Variants in COL5A2 observed in about 807,000 individuals in gnomAD.
The protein encoded by COL5A2 is collagen type V alpha 2 chain, also known as collagen alpha-2(V) chain.
A neutral mutation model predicts 208.2 loss-of-function variants in COL5A2; 23 were observed. That is an observed-to-expected ratio of 0.11 (90% CI 0.08 to 0.16). The LOEUF is 0.16. Among genes scored for constraint, COL5A2 ranks in the 10% least tolerant of loss-of-function variants. COL5A2 has a pLI of 1.00. For missense variants in COL5A2, 1,590 were observed against 1,956.4 expected, an observed-to-expected ratio of 0.81 and a Z score of 3.53; for synonymous variants, 625 against 628.5, an observed-to-expected ratio of 0.99 and a Z score of 0.08.
At chr2:189,198,723 G>A (rs1191046616) in intron 1 of COL5A2, among the ~76,000 whole-genome samples, 1 of 60,676 alleles carries the variant, frequency 1.6e-5, no homozygotes. Flanking sequence ...ACCTGCCCCT[G>A]TAAAACATAT....
At chr2:189,283,547 C>A in the COL5A2 span, among the ~76,000 whole-genome samples, 1 of 151,708 alleles carries the variant, frequency 6.6e-6, no homozygotes, top group Non-Finnish European at 1.5e-5. Context: ...GAGAATGTCA[C>A]AGTCAAAAGG....
intron 1 of COL5A2, among the ~76,000 whole-genome samples, chr2:189,189,890 T>C (rs1219922909): frequency 6.6e-6 from 1 of 152,184 alleles, no homozygotes; most frequent in Non-Finnish European, 1.5e-5. Context: ...GCATTGATTA[T>C]ACCGCTTAGA....
chr2:189,140,711 G>C (rs1687918084), intron 1 of COL5A2, among the ~76,000 whole-genome samples: 1 of 151,930 alleles, frequency 6.6e-6, no homozygotes, highest in Non-Finnish European at 1.5e-5. Flanking sequence ...TCTCATTGTA[G>C]AGGCTTAATG....
At chr2:189,170,687 A>G (rs1435298874) in intron 1 of COL5A2, among the ~76,000 whole-genome samples, 3 of 152,234 alleles carry the variant, frequency 2.0e-5, no homozygotes, top group Non-Finnish European at 1.5e-5. Context: ...TTGTTTAGAT[A>G]CAGTGGAGGA....
the COL5A2 span, among the ~76,000 whole-genome samples, chr2:189,341,688 C>A: frequency 1.7e-3 from 253 of 152,218 alleles, 1 homozygote; most frequent in African/African-American, 5.7e-3. Flanking sequence ...AATCATCAAA[C>A]CAGGACATCA....
chr2:189,320,847 T>TC, the COL5A2 span, among the ~76,000 whole-genome samples: 1 of 152,016 alleles, frequency 6.6e-6, no homozygotes, highest in Non-Finnish European at 1.5e-5. Flanking sequence ...GAAGAGCAAC[T>TC]CCAAGACACA....
chr2:189,034,542 G>C (rs1685402883), intron 53 of COL5A2, among the ~76,000 whole-genome samples: 2 of 151,878 alleles, frequency 1.3e-5, no homozygotes, highest in African/African-American at 2.4e-5. Flanking sequence ...ATATGCAAGC[G>C]GGGAGACTTA....
At chr2:189,433,667 C>A in the COL5A2 span, among the ~76,000 whole-genome samples, 2 of 152,178 alleles carry the variant, frequency 1.3e-5, no homozygotes, top group South Asian at 2.1e-4. Flanking sequence ...CAATAACAGG[C>A]TCTGAAATTG....
At chr2:189,211,823 A>G in intron 1 of COL5A2, among the ~76,000 whole-genome samples, 1 of 152,210 alleles carries the variant, frequency 6.6e-6, no homozygotes, top group East Asian at 1.9e-4. Flanking sequence ...GCAAGAAAGT[A>G]AAACCAAAAA....
chr2:189,297,514 T>C, the COL5A2 span, among the ~76,000 whole-genome samples: 1 of 152,180 alleles, frequency 6.6e-6, no homozygotes, highest in Admixed American at 6.6e-5. Context: ...AATTTAAAAA[T>C]TGATACATAG....
the COL5A2 span, among the ~76,000 whole-genome samples, chr2:189,322,472 G>A: frequency 1.6e-4 from 24 of 151,862 alleles, no homozygotes; most frequent in East Asian, 3.9e-4. Context: ...TCAAACAGAC[G>A]CAATAAAAAT....
chr2:189,062,186 T>G, intron 29 of COL5A2, among the ~76,000 whole-genome samples: 1 of 1,498 alleles, frequency 6.7e-4, no homozygotes, highest in East Asian at 0.017. Flanking sequence ...CTTAAATAAT[T>G]TTTTTTTTTT....
the COL5A2 span, among the ~76,000 whole-genome samples, chr2:189,277,315 C>T: frequency 6.6e-6 from 1 of 152,062 alleles, no homozygotes; most frequent in Non-Finnish European, 1.5e-5. Flanking sequence ...ATGTTCTTAA[C>T]ATGACCCCAA....
chr2:189,377,455 CAGGA>C, the COL5A2 span, among the ~76,000 whole-genome samples: 1 of 152,124 alleles, frequency 6.6e-6, no homozygotes, highest in Non-Finnish European at 1.5e-5. Flanking sequence ...TCCTCAAAGA[CAGGA>C]ATTCATGGTG....
intron 1 of COL5A2, among the ~76,000 whole-genome samples, chr2:189,215,539 C>T (rs1394895805): frequency 1.3e-5 from 2 of 151,564 alleles, no homozygotes; most frequent in Non-Finnish European, 2.9e-5. Context: ...ATTATTTACA[C>T]CTGTTTCTTT....
chr2:189,439,701 A>G, the COL5A2 span, among the ~76,000 whole-genome samples: 1 of 152,236 alleles, frequency 6.6e-6, no homozygotes, highest in Non-Finnish European at 1.5e-5. Context: ...ACTTCAGTAA[A>G]TTAAAACTCT....
the COL5A2 span, among the ~76,000 whole-genome samples, chr2:189,423,167 A>G: frequency 6.6e-6 from 1 of 152,146 alleles, no homozygotes; most frequent in African/African-American, 2.4e-5. Flanking sequence ...ATGAAAACAC[A>G]ATATCAAAAG....
At chr2:189,185,222 A>G (rs1688835622) in intron 1 of COL5A2, among the ~76,000 whole-genome samples, 1 of 152,018 alleles carries the variant, frequency 6.6e-6, no homozygotes, top group Non-Finnish European at 1.5e-5. Context: ...ATGGGGTTTC[A>G]CCATGTTGGC....
At chr2:189,224,517 T>C (rs182299227) in intron 1 of COL5A2, among the ~76,000 whole-genome samples, 5 of 151,818 alleles carry the variant, frequency 3.3e-5, no homozygotes, top group African/African-American at 4.8e-5. Flanking sequence ...GGCAAAACCC[T>C]GTCTCTACTA....
Sources: gnomAD v4.1 joint callset for allele counts (sites outside exome capture counted in the v4.1 genomes callset) on GRCh38, gnomAD v4.1.1 for gene constraint, MANE v1.5 for transcripts, NCBI Gene and HGNC (gene_info 2026-07-23, HGNC 2026-07-21) for gene names.